Variants in LGALSL observed in about 807,000 individuals in gnomAD.
The protein encoded by LGALSL is galectin like.
Under a neutral mutation model 19.5 loss-of-function variants are expected in LGALSL, and 13 were observed. The ratio of observed to expected loss-of-function variants is 0.67; its 90% confidence interval spans 0.43 to 1.06. The LOEUF (loss-of-function observed/expected upper bound fraction) is 1.06. Among genes scored for constraint, LGALSL ranks in the 50% least tolerant of loss-of-function variants. The probability of loss-of-function intolerance (pLI) is 0.00; values close to 1 mark genes in which losing one functional copy is unlikely to be tolerated. For missense variants in LGALSL, 189 were observed against 219.3 expected, an observed-to-expected ratio of 0.86 and a Z score of 0.87; for synonymous variants, 86 against 78.3, an observed-to-expected ratio of 1.10 and a Z score of -0.52.
At position 64,458,718 on chromosome 2, in the gene LGALSL, G is replaced by A; in HGVS notation, c.*290G>A. 3.6e-6 allele frequency: 1 copy of A among 275,408 alleles called. No homozygotes were observed. The highest frequency in any genetic ancestry group is 6.8e-6 in the Non-Finnish European group (1 of 147,434). 17.1% of individuals were successfully genotyped at this position (275,408 alleles called of 1,614,324 possible). ...AAATTATTCATCTTTTCAAAGCAAG[G>A]CAATGCTTAGAAACAGAAGTGCTAA... On this transcript the variant is annotated 3_prime_UTR_variant, in exon 5 of 5. Transcript: ENST00000238875.
rs1686775442 is a variant in LGALSL at position 64,458,819 on chromosome 2, A to G, written c.*391A>G. 1 of 161,570 alleles carries G rather than the reference A, an allele frequency of 6.2e-6. No individual in the cohort carries two copies. 10.0% of individuals were successfully genotyped at this position (161,570 alleles called of 1,614,324 possible). A position where few individuals can be genotyped will look rare whatever the true frequency, so the allele number is the denominator to read the frequency against. ...GCACTAAAGTGGAATTGTGTAGCAC[A>G]ACCAATATTTTAGTCAGGGTATTTA... is the stretch of plus-strand genomic sequence containing the variant. On this transcript the variant is annotated 3_prime_UTR_variant, in exon 5 of 5. Transcript: ENST00000238875.
rs530772750 is a variant in LGALSL at position 64,458,151 on chromosome 2, C to T, written c.376-134C>T. ...CCAACAATCTGTGTTCTAACAAGCC[C>T]TCTGCAGGTCTCAATGCATTCTGAT... On this transcript the variant is annotated intron_variant, in intron 4 of 4. Coordinates refer to ENST00000238875, the MANE Select transcript of LGALSL (RefSeq NM_014181.3). 3.6e-4 allele frequency: 283 copies of T among 779,318 alleles called. 1 individual carries two copies. The highest frequency in any genetic ancestry group is 2.8e-4 in the Admixed American group (12 of 42,406). The allele number at this position is 779,318 out of a possible 1,614,324, so 48.3% of individuals were successfully genotyped here.
At chr2:64,456,505 C>G (rs1572899403) in intron 4 of LGALSL, 40 bp downstream of exon 4, 1 of 1,472,992 alleles carries the variant, frequency 6.8e-7, no homozygotes, top group Non-Finnish European at 9.1e-7. Context: ...CACTGGCAGG[C>G]TGATAATGTT....
rs759690686 is a variant in LGALSL at position 64,455,360 on chromosome 2, A to C, written c.53A>C (p.His18Pro). ...SDAVVKLDDGHLNNSLSSPVQ... is the reference protein window; with the variant it reads ...SDAVVKLDDGPLNNSLSSPVQ... ...TATTTTTAGAAACTAGATGATGGCC[A>C]TTTAAACAACTCTTTGAGCTCTCCA... Residue 18 changes from histidine (H) to proline (P), a missense_variant, in exon 2 of 5, where the codon CAT becomes CCT. By Grantham distance (77) the His-to-Pro change is moderately conservative (BLOSUM62 -2). Coordinates refer to ENST00000238875, the MANE Select transcript of LGALSL (RefSeq NM_014181.3). 1.9e-6 allele frequency: 3 copies of C among 1,613,516 alleles called. No homozygotes were observed. Among genetic ancestry groups the C allele is most frequent in the African/African-American group, 2.7e-5 (2 of 74,912 alleles).
In LGALSL at chr2:64,456,462, C is replaced by T. The variant is rs1232357625; in HGVS notation, c.372C>T (p.Phe124=). 1 of 1,571,506 alleles carries T rather than the reference C, an allele frequency of 6.4e-7. No homozygotes were observed. Among genetic ancestry groups the T allele is most frequent in the Non-Finnish European group, 8.6e-7 (1 of 1,158,196 alleles). Residue 124 remains phenylalanine, a synonymous_variant, in exon 4 of 5, where the codon TTC becomes TTT. Coordinates refer to ENST00000238875, the MANE Select transcript of LGALSL (RefSeq NM_014181.3). ...TTCCATTCATTCCAGACCAGCCATT[C>T]AGGGTGAGTACCTCGAGTGCCTCGG... ...PYFPFIPDQP[F]RVEILCEHPR...
rs773243574 is a variant in LGALSL, at chr2:64,455,334, C to G, written c.37-10C>G. 1.9e-6 allele frequency: 3 copies of G among 1,605,172 alleles called. No homozygotes were observed. The African/African-American group carries it at 4.0e-5, about 21-fold the overall frequency. On this transcript the variant is annotated splice_polypyrimidine_tract_variant and intron_variant, in intron 1 of 4. Coordinates refer to ENST00000238875, the MANE Select transcript of LGALSL (RefSeq NM_014181.3). ...CCATGGAAAGCCAATCTGTGTACTTCTATTTTTAGAAACTAGATGATGGCC... is the reference window on the plus strand; with the variant it reads ...CCATGGAAAGCCAATCTGTGTACTTGTATTTTTAGAAACTAGATGATGGCC...
In LGALSL at chr2:64,454,607, G is replaced by C; in HGVS notation, c.36+26G>C. 7.2e-7 allele frequency: 1 copy of C among 1,391,254 alleles called. No individual in the cohort carries two copies. The highest frequency in any genetic ancestry group is 9.4e-7 in the Non-Finnish European group (1 of 1,066,750). 86.2% of individuals were successfully genotyped at this position (1,391,254 alleles called of 1,614,324 possible). On this transcript the variant is annotated intron_variant, in intron 1 of 4. Transcript: ENST00000238875. The surrounding 1 kb of genome is among the most constrained non-coding windows in gnomAD (Gnocchi z 5.1). ...GTGAGTGTGGCAGGGCGCGCGCGAG[G>C]CGCCCCTCCCCGCCGTCCCGCACTC...
chr2:64,454,492 G>C lies in LGALSL; in HGVS notation c.-54G>C. ...CCCCCGCCCCGCGCAGGACAGCCCCGGGATCCCCGCCCGCGCGCCGCGTCC... is the reference window on the plus strand; with the variant it reads ...CCCCCGCCCCGCGCAGGACAGCCCCCGGATCCCCGCCCGCGCGCCGCGTCC... On this transcript the variant is annotated 5_prime_UTR_variant, in exon 1 of 5. Transcript: ENST00000238875. This position sits in a 1 kb window ranked among gnomAD's most constrained non-coding sequence, Gnocchi z 5.1. 8.2e-7 allele frequency: 1 copy of C among 1,223,542 alleles called. No individual in the cohort carries two copies. Among genetic ancestry groups the C allele is most frequent in the African/African-American group, 1.6e-5 (1 of 61,700 alleles). The allele number at this position is 1,223,542 out of a possible 1,614,324, so 75.8% of individuals were successfully genotyped here. A position where few individuals can be genotyped will look rare whatever the true frequency, so the allele number is the denominator to read the frequency against.
rs768644093 is a variant in LGALSL, at chr2:64,458,248, T to C, written c.376-37T>C. On this transcript the variant is annotated intron_variant, in intron 4 of 4. Transcript: ENST00000238875. ...TATTGTTTGTTTTCCCCAGTAGCGT[T>C]CATTGAAATTGTGGATTATTATTTT... 3.1e-6 allele frequency: 5 copies of C among 1,598,394 alleles called. No homozygotes were observed. The African/African-American group carries it at 6.7e-5, about 21-fold the overall frequency.
chr2:64,454,674 G>T lies in LGALSL; in HGVS notation c.36+93G>T, dbSNP rs890168245. The T allele has an allele frequency of 4.1e-5, 39 of 951,202 alleles. No individual in the cohort carries two copies. The highest frequency in any genetic ancestry group is 4.9e-5 in the Non-Finnish European group (36 of 739,454). 58.9% of individuals were successfully genotyped at this position (951,202 alleles called of 1,614,324 possible). A position where few individuals can be genotyped will look rare whatever the true frequency, so the allele number is the denominator to read the frequency against. On this transcript the variant is annotated intron_variant, in intron 1 of 4. Coordinates refer to ENST00000238875, the MANE Select transcript of LGALSL (RefSeq NM_014181.3). The surrounding 1 kb of genome is among the most constrained non-coding windows in gnomAD (Gnocchi z 5.1). The stretch of plus-strand genomic sequence containing the variant: ...AGCAGTGCTGGGGTGCTGAGCAGCC[G>T]CAGGCCCGGCCGGCGCCCGGCGCGT...
At position 64,459,870 on chromosome 2, in the gene LGALSL, G is replaced by A. The variant is rs1686790852; in HGVS notation, c.*1442G>A. On this transcript the variant is annotated 3_prime_UTR_variant, in exon 5 of 5. Transcript: ENST00000238875. ...AAAAGCTACATTGGCCCTGGAGGGA[G>A]GGACCCTTGGCATTGCTTTGATCAG... is the stretch of plus-strand genomic sequence containing the variant. 2.0e-5 allele frequency: 3 copies of A among 152,220 alleles called. No individual in the cohort carries two copies. Among genetic ancestry groups the A allele is most frequent in the Admixed American group, 2.0e-4 (3 of 15,276 alleles). The allele number at this position is 152,220 out of a possible 1,614,324, so 9.4% of individuals were successfully genotyped here.
At chr2:64,457,151 C>T (rs1207498577) in intron 4 of LGALSL, among the ~76,000 whole-genome samples, 1 of 152,128 alleles carries the variant, frequency 6.6e-6, no homozygotes, top group Non-Finnish European at 1.5e-5. Flanking sequence ...CAGGTAGTGG[C>T]ACAGTGGCTT....
rs779816165 is a variant in LGALSL at position 64,458,358 on chromosome 2, G to A, written c.449G>A (p.Arg150His). The A allele has an allele frequency of 1.9e-6, 3 of 1,613,618 alleles. No individual in the cohort carries two copies. Among genetic ancestry groups the A allele is most frequent in the South Asian group, 1.1e-5 (1 of 91,054 alleles). Reference protein sequence around the residue: ...DGHQLFDFYHRIQTLSAIDTI... With the variant: ...DGHQLFDFYHHIQTLSAIDTI... Reference sequence around the variant, plus strand: ...CACCAACTTTTTGATTTTTACCATCGCATTCAAACGTTATCTGCAATTGAC... The same window carrying A: ...CACCAACTTTTTGATTTTTACCATCACATTCAAACGTTATCTGCAATTGAC... Residue 150 changes from arginine (R) to histidine (H), a missense_variant, in exon 5 of 5, where the codon CGC (arginine) becomes CAC (histidine). This residue lies in a region of LGALSL where 106 missense variants were observed against 119.3 expected (regional missense o/e 0.89). Transcript: ENST00000238875.
intron 1 of LGALSL, 47 bp from the exon 2 acceptor site, chr2:64,455,297 C>G (rs1206136431): frequency 7.6e-7 from 1 of 1,316,998 alleles, no homozygotes; most frequent in Admixed American, 1.7e-5. Flanking sequence ...CTCCAGCCCC[C>G]CAAAAAAGAG....
intron 4 of LGALSL, 113 bp from the exon 5 acceptor site, chr2:64,458,172 C>A: frequency 1.0e-6 from 1 of 987,578 alleles, no homozygotes; most frequent in Non-Finnish European, 1.5e-6. Flanking sequence ...TCAATGCATT[C>A]TGATGTTTGT....
chr2:64,460,580 TAGGC>T lies in LGALSL; in HGVS notation c.*2155_*2158del, dbSNP rs1239439424. On this transcript the variant is annotated 3_prime_UTR_variant, in exon 5 of 5. Coordinates refer to ENST00000238875, the MANE Select transcript of LGALSL (RefSeq NM_014181.3). ...GCTAACTCATTAGCAGCCAAGCCCTTAGGCAGCTTAGTGTGAAAATACAATGTTA... is the reference window on the plus strand; with the variant it reads ...GCTAACTCATTAGCAGCCAAGCCCTTAGCTTAGTGTGAAAATACAATGTTA... 2 of 152,242 alleles carry T rather than the reference TAGGC, an allele frequency of 1.3e-5. No individual in the cohort carries two copies. The highest frequency in any genetic ancestry group is 6.5e-5 in the Admixed American group (1 of 15,286). The allele number at this position is 152,242 out of a possible 1,614,324, so 9.4% of individuals were successfully genotyped here. A position where few individuals can be genotyped will look rare whatever the true frequency, so the allele number is the denominator to read the frequency against.
chr2:64,457,614 G>A (rs1686756855), intron 4 of LGALSL, among the ~76,000 whole-genome samples: 1 of 152,266 alleles, frequency 6.6e-6, no homozygotes, highest in East Asian at 1.9e-4. Flanking sequence ...AAATTTTCAA[G>A]TGCCTCATGA....
At position 64,455,697 on chromosome 2, in the gene LGALSL, A is replaced by G; in HGVS notation, c.197+20A>G. The G allele has an allele frequency of 6.4e-7, 1 of 1,569,062 alleles. No homozygotes were observed. The highest frequency in any genetic ancestry group is 8.8e-7 in the Non-Finnish European group (1 of 1,138,910). On this transcript the variant is annotated intron_variant, in intron 3 of 4. Transcript: ENST00000238875. ...AGAGAGGTAAGGCAGAGTCTTTGTC[A>G]GGACAGAACTATCAGGCTGTGGCTG...
Position 64,454,596 on chromosome 2 carries a change from G to T in LGALSL, c.36+15G>T, listed in dbSNP as rs1187380496. The T allele has an allele frequency of 2.8e-6, 4 of 1,410,006 alleles. No homozygotes were observed. In the Admixed American group the frequency reaches 7.5e-5, roughly 26 times the overall value. The allele number at this position is 1,410,006 out of a possible 1,614,324, so 87.3% of individuals were successfully genotyped here. A position where few individuals can be genotyped will look rare whatever the true frequency, so the allele number is the denominator to read the frequency against. ...ATGCCGTGGTGGTGAGTGTGGCAGG[G>T]CGCGCGCGAGGCGCCCCTCCCCGCC... On this transcript the variant is annotated intron_variant, in intron 1 of 4. Coordinates refer to ENST00000238875, the MANE Select transcript of LGALSL (RefSeq NM_014181.3). This position sits in a 1 kb window ranked among gnomAD's most constrained non-coding sequence, Gnocchi z 5.1.
Sources: gnomAD v4.1 joint callset for allele counts (sites outside exome capture counted in the v4.1 genomes callset) on GRCh38, gnomAD v4.1.1 for gene constraint, gnomAD v4.1.1 regional missense constraint, Gnocchi (gnomAD v3.1) non-coding constraint, MANE v1.5 for transcripts, NCBI Gene and HGNC (gene_info 2026-07-23, HGNC 2026-07-21) for gene names.